Variants in TBC1D4 observed in about 807,000 individuals in gnomAD.
TBC1D4 encodes TBC (Tre-2, BUB2, CDC16) domain-containing protein.
A neutral mutation model predicts 142.5 loss-of-function variants in TBC1D4; 121 were observed. The observed-to-expected ratio is 0.85, with a 90% confidence interval of 0.73 to 0.99. The LOEUF is 0.99. TBC1D4 is among the 50% of genes least tolerant of loss of function. The pLI is 0.00. For missense variants in TBC1D4, 1,475 were observed against 1,606.6 expected (o/e 0.92, Z 1.40); for synonymous variants, 630 against 628.2 (o/e 1.00, Z -0.04).
chr13:75,418,067 A>G (rs1463175232), intron 1 of TBC1D4, among the ~76,000 whole-genome samples: 1 of 152,234 alleles, frequency 6.6e-6, no homozygotes, highest in Non-Finnish European at 1.5e-5. Context: ...TTATTTTATC[A>G]TAATTGTCAA....
At chr13:75,350,359 A>G (rs1279371953) in intron 4 of TBC1D4, among the ~76,000 whole-genome samples, 2 of 152,202 alleles carry the variant, frequency 1.3e-5, no homozygotes, top group Admixed American at 6.5e-5. Flanking sequence ...AGGAAACTGA[A>G]ATAAACAGAC....
rs559159946 is a variant in TBC1D4 at position 75,430,591 on chromosome 13, G to A, written c.498+50679C>T. 1.4e-4 allele frequency among the ~76,000 whole-genome samples: 22 copies of A among 152,308 alleles called. No homozygotes were observed. The Middle Eastern group carries it at 0.01, about 71-fold the overall frequency. ...TCAAGGGCTTTTCTTGTTAAGCGTC[G>A]TTGCTATACATCAGCTTAGTACTCC... On this transcript the variant is annotated intron_variant, in intron 1 of 20. Transcript: ENST00000377636.
At chr13:75,363,183 C>G (rs564835110) in intron 1 of TBC1D4, among the ~76,000 whole-genome samples, 45 of 152,300 alleles carry the variant, frequency 3.0e-4, no homozygotes, top group African/African-American at 1.0e-3. Context: ...ACACACCACT[C>G]TAGAGGATGG....
intron 4 of TBC1D4, among the ~76,000 whole-genome samples, chr13:75,355,503 G>A (rs760054015): frequency 2.6e-5 from 4 of 152,120 alleles, no homozygotes; most frequent in Non-Finnish European, 5.9e-5. Context: ...CTTTTAATCA[G>A]CAATATGGAA....
Position 75,312,766 on chromosome 13 carries a change from G to A in TBC1D4, c.2355C>T (p.Asn785=), listed in dbSNP as rs527354382. 2 of 1,614,046 alleles carry A rather than the reference G, an allele frequency of 1.2e-6. No individual in the cohort carries two copies. The highest frequency in any genetic ancestry group is 1.3e-5 in the African/African-American group (1 of 74,916). Residue 785 remains asparagine (N), a synonymous_variant, in exon 13 of 21, where the codon AAC becomes AAT. Transcript: ENST00000377636. Reference sequence around the variant, plus strand: ...GCTGTTGCATTGCTGAGGGAGATTTGTTCATGGGAGAAGCAACCCTGAGGA... The same window carrying A: ...GCTGTTGCATTGCTGAGGGAGATTTATTCATGGGAGAAGCAACCCTGAGGA... ...RIFLRVASPM[N]KSPSAMQQQD...
intron 1 of TBC1D4, among the ~76,000 whole-genome samples, chr13:75,407,406 G>A (rs1885398233): frequency 6.6e-6 from 1 of 152,158 alleles, no homozygotes; most frequent in African/African-American, 2.4e-5. Flanking sequence ...ATTCTAGGAA[G>A]ATGGCCACAG....
At chr13:75,446,751 T>A (rs1411748568) in intron 1 of TBC1D4, among the ~76,000 whole-genome samples, 1 of 152,232 alleles carries the variant, frequency 6.6e-6, no homozygotes, top group Non-Finnish European at 1.5e-5. Flanking sequence ...TTTTCTGTAA[T>A]AACCTTCAAT....
chr13:75,421,097 A>G (rs1210322468), intron 1 of TBC1D4, among the ~76,000 whole-genome samples: 1 of 152,200 alleles, frequency 6.6e-6, no homozygotes, highest in Non-Finnish European at 1.5e-5. Flanking sequence ...CACTAATAAA[A>G]TCTACATTTG....
intron 1 of TBC1D4, among the ~76,000 whole-genome samples, chr13:75,392,810 A>G (rs1021899595): frequency 6.6e-6 from 1 of 151,638 alleles, no homozygotes; most frequent in Non-Finnish European, 1.5e-5. Context: ...AATGTTTTTC[A>G]TTTTTGTTTT....
chr13:75,356,075 C>T, intron 4 of TBC1D4, 72 bp downstream of exon 4: 1 of 1,149,698 alleles, frequency 8.7e-7, no homozygotes, highest in Non-Finnish European at 1.3e-6. Flanking sequence ...AAGGCTTGGG[C>T]TCCTAAGAGA....
intron 1 of TBC1D4, among the ~76,000 whole-genome samples, chr13:75,474,930 C>G (rs954712698): frequency 6.6e-6 from 1 of 152,178 alleles, no homozygotes; most frequent in African/African-American, 2.4e-5. Context: ...AGCCACCACG[C>G]CCGGCCCATA....
At chr13:75,415,584 A>G (rs553714933) in intron 1 of TBC1D4, among the ~76,000 whole-genome samples, 17 of 152,288 alleles carry the variant, frequency 1.1e-4, no homozygotes, top group African/African-American at 3.8e-4. Context: ...CACTAATCCA[A>G]ACTGATTCTG....
rs1403612327 is a variant in TBC1D4, at chr13:75,283,906, TTC to T, written c.*2884_*2885del. Among the ~76,000 whole-genome samples, 41 of 151,984 alleles carry T rather than the reference TTC, an allele frequency of 2.7e-4. No individual in the cohort carries two copies. In the East Asian group the frequency reaches 8.1e-3, roughly 30 times the overall value. ...ATCTTTTTTGTTTGGTTGTTTGTTT[TTC>T]TTTTTTTTTGTCAAAGTCTCACTCT... On this transcript the variant is annotated 3_prime_UTR_variant, in exon 21 of 21. Coordinates refer to ENST00000377636, the MANE Select transcript of TBC1D4 (RefSeq NM_014832.5).
chr13:75,451,778 T>A (rs1368884626), intron 1 of TBC1D4, among the ~76,000 whole-genome samples: 1 of 149,396 alleles, frequency 6.7e-6, no homozygotes, highest in African/African-American at 2.4e-5. Flanking sequence ...ATATTTGTAA[T>A]AAATATAATA....
chr13:75,418,752 T>C (rs1184933043), intron 1 of TBC1D4, among the ~76,000 whole-genome samples: 1 of 152,218 alleles, frequency 6.6e-6, no homozygotes, highest in Non-Finnish European at 1.5e-5. Context: ...TGGTTTTCTT[T>C]TTCTCAATTT....
At chr13:75,349,419 A>G in intron 4 of TBC1D4, 117 bp from the exon 5 acceptor site, 1 of 1,364,940 alleles carries the variant, frequency 7.3e-7, no homozygotes, top group African/African-American at 1.4e-5. Flanking sequence ...TAGAATTTTG[A>G]TGACTAGAGA....
At chr13:75,430,773 T>G (rs902599784) in intron 1 of TBC1D4, among the ~76,000 whole-genome samples, 2 of 152,198 alleles carry the variant, frequency 1.3e-5, no homozygotes, top group Non-Finnish European at 2.9e-5. Context: ...CCTGTGTAAT[T>G]AGGGTTCCTC....
At chr13:75,332,205 CAG>C (rs1879807046) in intron 8 of TBC1D4, among the ~76,000 whole-genome samples, 2 of 152,162 alleles carry the variant, frequency 1.3e-5, no homozygotes, top group Non-Finnish European at 2.9e-5. Context: ...TTGTAAATGA[CAG>C]AGGTTTTGAG....
At chr13:75,351,775 T>C (rs977795059) in intron 4 of TBC1D4, among the ~76,000 whole-genome samples, 1 of 152,142 alleles carries the variant, frequency 6.6e-6, no homozygotes, top group Non-Finnish European at 1.5e-5. Flanking sequence ...TAGTATTCCA[T>C]GGTGTATATG....
Sources: allele counts gnomAD v4.1 joint callset (sites outside exome capture counted in the v4.1 genomes callset), GRCh38; gene constraint gnomAD v4.1.1; transcripts MANE v1.5; gene names NCBI Gene and HGNC (gene_info 2026-07-23, HGNC 2026-07-21).